EXOC4: variants seen among roughly 807,000 people sequenced by gnomAD.
EXOC4 encodes exocyst complex component 4.
Under a neutral mutation model 107.2 loss-of-function variants are expected in EXOC4, and 71 were observed. The ratio of observed to expected loss-of-function variants is 0.66; its 90% confidence interval spans 0.55 to 0.81. The LOEUF is 0.81. EXOC4 is among the 30% of genes least tolerant of loss of function. EXOC4 has a pLI of 0.00. For synonymous variants in EXOC4, 456 were observed against 441.2 expected (o/e 1.03, Z -0.42); for missense variants, 1,108 against 1,189.6 (o/e 0.93, Z 1.01).
At chr7:133,614,500 A>G (rs1386147582) in intron 9 of EXOC4, among the ~76,000 whole-genome samples, 1 of 152,050 alleles carries the variant, frequency 6.6e-6, no homozygotes, top group Non-Finnish European at 1.5e-5. Flanking sequence ...CTTGCCCCCA[A>G]ACAGAATGTC....
At chr7:133,796,030 C>A (rs2551019) in intron 10 of EXOC4, among the ~76,000 whole-genome samples, 127,854 of 152,076 alleles carry the variant, frequency 0.84, 54,220 homozygotes, top group East Asian at 0.99. Context: ...CCTTTTATTT[C>A]TTTTTTCCTA....
intron 11 of EXOC4, among the ~76,000 whole-genome samples, chr7:133,877,957 G>T (rs914541620): frequency 6.6e-6 from 1 of 152,100 alleles, no homozygotes; most frequent in Admixed American, 6.6e-5. Context: ...CTCTTCAGCT[G>T]GGGCACTCAG....
At chr7:133,630,515 C>T (rs1802567029) in intron 10 of EXOC4, among the ~76,000 whole-genome samples, 1 of 152,034 alleles carries the variant, frequency 6.6e-6, no homozygotes, top group Non-Finnish European at 1.5e-5. Context: ...GACACACAGA[C>T]ATGCTTATTT....
chr7:133,593,565 T>A (rs1801598052), intron 9 of EXOC4, among the ~76,000 whole-genome samples: 1 of 152,224 alleles, frequency 6.6e-6, no homozygotes, highest in South Asian at 2.1e-4. Flanking sequence ...GTCAGATCTA[T>A]ATGGTGAATT....
At chr7:133,873,318 C>T (rs1462688509) in intron 11 of EXOC4, among the ~76,000 whole-genome samples, 3 of 152,320 alleles carry the variant, frequency 2.0e-5, no homozygotes, top group East Asian at 3.9e-4. Context: ...TGTTTTTCGG[C>T]ATATGTCTCA....
At chr7:133,533,169 G>A (rs1005112459) in intron 9 of EXOC4, among the ~76,000 whole-genome samples, 3 of 152,050 alleles carry the variant, frequency 2.0e-5, no homozygotes, top group African/African-American at 7.2e-5. Context: ...TGGATTCTTA[G>A]AAGGCCACTT....
chr7:133,584,939 GA>G (rs1343626453), intron 9 of EXOC4, among the ~76,000 whole-genome samples: 2 of 151,696 alleles, frequency 1.3e-5, no homozygotes, highest in Admixed American at 1.3e-4. Flanking sequence ...AGAGTTCTGT[GA>G]AAAAAAAGTT....
At chr7:133,433,040 T>C (rs1281833684) in intron 7 of EXOC4, among the ~76,000 whole-genome samples, 1 of 152,252 alleles carries the variant, frequency 6.6e-6, no homozygotes, top group Non-Finnish European at 1.5e-5. Flanking sequence ...TTTTTTCTGC[T>C]TAATTCTCAT....
chr7:133,624,808 G>A (rs891223330), intron 9 of EXOC4, among the ~76,000 whole-genome samples: 4 of 151,624 alleles, frequency 2.6e-5, no homozygotes, highest in African/African-American at 9.7e-5. Context: ...GTTCAGGCTG[G>A]TCTTGAACTC....
At chr7:133,337,641 T>C (rs1249905254) in intron 5 of EXOC4, among the ~76,000 whole-genome samples, 3 of 86,558 alleles carry the variant, frequency 3.5e-5, no homozygotes, top group Non-Finnish European at 8.1e-5. Context: ...CCTTCCCTTT[T>C]TTTTTTTTTT....
Position 133,645,086 on chromosome 7 carries a change from C to CTT in EXOC4, c.1514+14963_1514+14964dup, listed in dbSNP as rs35058872. ...TCTTTTCTGGGGAGCCTTCTGCCAC[C>CTT]TTTTTTTTTTTTTTTTTTTCTTTGA... On this transcript the variant is annotated intron_variant, in intron 10 of 17. Coordinates refer to ENST00000253861, the MANE Select transcript of EXOC4 (RefSeq NM_021807.4). 2.5e-3 allele frequency among the ~76,000 whole-genome samples: 314 copies of CTT among 123,952 alleles called. 3 individuals carry two copies. Among genetic ancestry groups the CTT allele is most frequent in the African/African-American group, 3.5e-3 (111 of 32,168 alleles). The allele number at this position is 123,952 out of a possible 152,430, so 81.3% of individuals were successfully genotyped here. A position where few individuals can be genotyped will look rare whatever the true frequency, so the allele number is the denominator to read the frequency against.
intron 14 of EXOC4, among the ~76,000 whole-genome samples, chr7:133,959,174 G>A (rs1800883873): frequency 6.6e-6 from 1 of 152,088 alleles, no homozygotes. Flanking sequence ...GCCAAGAAGA[G>A]TAATGTTTGA....
intron 10 of EXOC4, among the ~76,000 whole-genome samples, chr7:133,675,773 A>T (rs765369226): frequency 2.0e-5 from 3 of 152,178 alleles, no homozygotes; most frequent in Non-Finnish European, 4.4e-5. Context: ...AGAGGCTTCA[A>T]AAAGCACAAT....
At chr7:133,906,501 A>G (rs1379071157) in intron 12 of EXOC4, among the ~76,000 whole-genome samples, 3 of 152,204 alleles carry the variant, frequency 2.0e-5, no homozygotes, top group Non-Finnish European at 4.4e-5. Context: ...CCAATCATCT[A>G]TTGCCTGAGA....
rs1380625321 is a variant in EXOC4 at position 133,374,820 on chromosome 7, G to A, written c.1008-8G>A. On this transcript the variant is annotated splice_region_variant and splice_polypyrimidine_tract_variant and intron_variant, in intron 6 of 17. Coordinates refer to ENST00000253861, the MANE Select transcript of EXOC4 (RefSeq NM_021807.4). ...GTGTAAATGTTATTTATTTGTTTAT[G>A]CCACTAGGTTGCTTCTAGAACTGCT... is the stretch of plus-strand genomic sequence containing the variant. 6.2e-7 allele frequency: 1 copy of A among 1,606,724 alleles called. No homozygotes were observed.
At chr7:134,062,053 C>A (rs538639590) in intron 17 of EXOC4, among the ~76,000 whole-genome samples, 53 of 152,264 alleles carry the variant, frequency 3.5e-4, no homozygotes, top group Non-Finnish European at 5.7e-4. Context: ...CACCCTGGAC[C>A]AGTGATTGCT....
chr7:133,398,443 T>C (rs185668610), intron 7 of EXOC4, among the ~76,000 whole-genome samples: 2 of 152,302 alleles, frequency 1.3e-5, no homozygotes, highest in Non-Finnish European at 2.9e-5. Flanking sequence ...CCTTCCAGTA[T>C]TTCAATTCCT....
At chr7:134,024,154 T>A (rs1384416192) in intron 17 of EXOC4, among the ~76,000 whole-genome samples, 1 of 152,124 alleles carries the variant, frequency 6.6e-6, no homozygotes, top group African/African-American at 2.4e-5. Context: ...TTAAAATAGC[T>A]CTTAAAAAGT....
chr7:133,872,179 T>A (rs1798764535), intron 11 of EXOC4, among the ~76,000 whole-genome samples: 1 of 152,092 alleles, frequency 6.6e-6, no homozygotes, highest in Non-Finnish European at 1.5e-5. Flanking sequence ...CAAAATAATC[T>A]GCAAAGATTA....
Sources: allele counts gnomAD v4.1 joint callset (sites outside exome capture counted in the v4.1 genomes callset), GRCh38; gene constraint gnomAD v4.1.1; transcripts MANE v1.5; gene names NCBI Gene and HGNC (gene_info 2026-07-23, HGNC 2026-07-21).